IQCN: variants seen among roughly 807,000 people sequenced by gnomAD.
IQCN encodes IQ motif containing N, also known as IQ domain-containing protein N.
In IQCN, 46 loss-of-function variants were observed where a neutral mutation model predicts 64.4. That is an observed-to-expected ratio of 0.71 (90% CI 0.56 to 0.91). The LOEUF is 0.91. Among genes scored for constraint, IQCN ranks in the 40% least tolerant of loss-of-function variants. The pLI is 0.00. For missense variants in IQCN, 1,753 were observed against 1,857.4 expected (o/e 0.94, Z 1.03); for synonymous variants, 733 against 775.6 (o/e 0.95, Z 0.91).
At position 18,267,124 on chromosome 19, in the gene IQCN, C is replaced by T. The variant is rs767219841; in HGVS notation, c.416G>A (p.Arg139His). The T allele has an allele frequency of 1.9e-5, 30 of 1,614,124 alleles. No individual in the cohort carries two copies. Among genetic ancestry groups the T allele is most frequent in the African/African-American group, 2.7e-5 (2 of 74,952 alleles). ...AAKAIQEAWR[R>H]FNKRHILHSS... ...GTGAAGGATGTGTCTCTTGTTGAAGCGCCGCCAGGCCTCCTGGATGGCCTT... is the reference window on the plus strand; with the variant it reads ...GTGAAGGATGTGTCTCTTGTTGAAGTGCCGCCAGGCCTCCTGGATGGCCTT... Residue 139 changes from arginine (R) to histidine (H), a missense_variant, in exon 3 of 4, where the codon CGC (arginine) becomes CAC (histidine). Arg to His is a conservative substitution (Grantham distance 29, BLOSUM62 0). Coordinates refer to ENST00000392413, the MANE Select transcript of IQCN (RefSeq NM_001145304.2).
Position 18,266,795 on chromosome 19 carries a change from A to G in IQCN, c.745T>C (p.Cys249Arg). 1 of 1,614,190 alleles carries G rather than the reference A, an allele frequency of 6.2e-7. No individual in the cohort carries two copies. The highest frequency in any genetic ancestry group is 8.5e-7 in the Non-Finnish European group (1 of 1,180,020). ...PHQTVTIRFP[C>R]PVSLDAKCQP... ...CATTTTGCGTCCAGACTCACTGGGC[A>G]GGGAAATCTGATGGTGACCGTCTGG... Residue 249 changes from cysteine (C) to arginine (R), a missense_variant, in exon 3 of 4, where the codon TGC becomes CGC. Transcript: ENST00000392413. The surrounding 1 kb of genome is among the most constrained non-coding windows in gnomAD (Gnocchi z 4.3).
At position 18,257,118 on chromosome 19, in the gene IQCN, T is replaced by C. The variant is rs974508424; in HGVS notation, c.*62A>G. The stretch of plus-strand genomic sequence containing the variant: ...AGATCTAGGCTGTGGAGGACTTTAT[T>C]CATTAGACCCAGAGAGCCATGAGTG... On this transcript the variant is annotated 3_prime_UTR_variant, in exon 4 of 4. Coordinates refer to ENST00000392413, the MANE Select transcript of IQCN (RefSeq NM_001145304.2). 2 of 1,533,826 alleles carry C rather than the reference T, an allele frequency of 1.3e-6. No individual in the cohort carries two copies. Among genetic ancestry groups the C allele is most frequent in the African/African-American group, 2.7e-5 (2 of 73,216 alleles).
Position 18,257,499 on chromosome 19 carries a change from G to A in IQCN, c.3785C>T (p.Thr1262Ile), listed in dbSNP as rs748261381. 6.2e-6 allele frequency: 10 copies of A among 1,609,716 alleles called. No homozygotes were observed. In the Admixed American group the frequency reaches 1.7e-4, roughly 27 times the overall value. ...SPRTCHTCGR[T>I]QPTRVVQGMG... ...GCCCTGCACCACACGGGTGGGCTGT[G>A]TGCGTCCACAGGTATGACAGGTGCG... Residue 1262 changes from threonine (T) to isoleucine (I), a missense_variant, in exon 4 of 4, where the codon ACA becomes ATA. Transcript: ENST00000392413.
chr19:18,257,898 G>A lies in IQCN; in HGVS notation c.3386C>T (p.Ala1129Val), dbSNP rs773833908. 39 of 1,612,530 alleles carry A rather than the reference G, an allele frequency of 2.4e-5. No homozygotes were observed. The highest frequency in any genetic ancestry group is 6.7e-5 in the African/African-American group (5 of 74,920). Residue 1129 changes from alanine to valine, a missense_variant, in exon 4 of 4, where the codon GCG (alanine) becomes GTG (valine). Transcript: ENST00000392413. ...GTGCCACAGCCGGATCCTGCGACGC[G>A]CCAGGTAGCCACGGACGCCCGCCTG... ...TIQAGVRGYL[A>V]RRRIRLWHRG... is the part of the protein sequence containing the mutation.
intron 1 of IQCN, among the ~76,000 whole-genome samples, chr19:18,270,786 G>T (rs1350479296): frequency 6.6e-6 from 1 of 150,902 alleles, no homozygotes; most frequent in Non-Finnish European, 1.5e-5. Context: ...CCAAGTAGCT[G>T]GGATGACAAG....
Position 18,267,183 on chromosome 19 carries a change from G to T in IQCN, c.357C>A (p.Leu119=). ...TCATCTGGGAAATCAGCTTCTGCCG[G>T]AGCCAATAGCCCCTCCAGTTGGCTT... ...LIQANWRGYW[L]RQKLISQMMA... The change falls in exon 3 of 4, where the codon CTC becomes CTA. Residue 119 remains leucine (L), a synonymous_variant. Transcript: ENST00000392413. 1 of 1,614,266 alleles carries T rather than the reference G, an allele frequency of 6.2e-7. No homozygotes were observed.
At chr19:18,269,219 T>A (rs952561363) in intron 2 of IQCN, among the ~76,000 whole-genome samples, 3 of 150,046 alleles carry the variant, frequency 2.0e-5, no homozygotes, top group Non-Finnish European at 4.4e-5. Context: ...CAACAGGAGG[T>A]AGACTGATGG....
In IQCN at chr19:18,266,371, G is replaced by C. The variant is rs139734513; in HGVS notation, c.1169C>G (p.Thr390Ser). The C allele has an allele frequency of 3.7e-6, 6 of 1,609,782 alleles. No homozygotes were observed. In the African/African-American group the frequency reaches 4.0e-5, roughly 11 times the overall value. Residue 390 changes from threonine to serine, a missense_variant, in exon 3 of 4, where the codon ACT becomes AGT. Transcript: ENST00000392413. The surrounding 1 kb of genome is among the most constrained non-coding windows in gnomAD (Gnocchi z 4.3). Reference protein sequence around the residue: ...QMYPGPTVTKTAPHTCPMPTM... With the variant: ...QMYPGPTVTKSAPHTCPMPTM... ...GGGCATGGGGCATGTGTGAGGTGCA[G>C]TTTTGGTCACTGTGGGCCCCGGATA...
At chr19:18,263,716 G>A (rs989009490) in intron 3 of IQCN, among the ~76,000 whole-genome samples, 1 of 152,106 alleles carries the variant, frequency 6.6e-6, no homozygotes, top group African/African-American at 2.4e-5. Context: ...ACTAAGGGTT[G>A]GTAGAGACCA....
In IQCN at chr19:18,270,051, TAA is replaced by T. The variant is rs60981546; in HGVS notation, c.-109-466_-109-465del. Among the ~76,000 whole-genome samples the T allele has an allele frequency of 1.3e-3, 100 of 75,820 alleles. 1 individual carries two copies. Among genetic ancestry groups the T allele is most frequent in the African/African-American group, 4.2e-3 (67 of 15,924 alleles). 49.7% of individuals were successfully genotyped at this position (75,820 alleles called of 152,430 possible). On this transcript the variant is annotated intron_variant, in intron 1 of 3. Transcript: ENST00000392413. Reference sequence around the variant, plus strand: ...GGGAAACTAAGCAAGAACTGTCTCTTAAAAAAAAAAAAAAAAAAAAAAAAAAA... The same window carrying T: ...GGGAAACTAAGCAAGAACTGTCTCTTAAAAAAAAAAAAAAAAAAAAAAAAA...
intron 3 of IQCN, chr19:18,258,834 G>A (rs17797780): frequency 0.19 from 37,967 of 196,872 alleles, 4,071 homozygotes; most frequent in East Asian, 0.31. Flanking sequence ...GGCTAAACCC[G>A]GGGCCTGGAA....
Position 18,267,365 on chromosome 19 carries a change from G to C in IQCN, c.175C>G (p.Leu59Val). Residue 59 changes from leucine (L) to valine (V), a missense_variant, in exon 3 of 4, where the codon CTC becomes GTC. Leu to Val is a conservative substitution (Grantham distance 32, BLOSUM62 1). Transcript: ENST00000392413. ...KAPPQPQHEGLKSKEHLPQQP... is the reference protein window; with the variant it reads ...KAPPQPQHEGVKSKEHLPQQP... Reference sequence around the variant, plus strand: ...TGCGGAAGATGCTCCTTGGACTTGAGGCCCTCGTGCTGGGGCTGTGGAGGC... The same window carrying C: ...TGCGGAAGATGCTCCTTGGACTTGACGCCCTCGTGCTGGGGCTGTGGAGGC... The C allele has an allele frequency of 6.2e-7, 1 of 1,613,058 alleles. No homozygotes were observed.
At chr19:18,268,362 T>G (rs1555700731) in intron 2 of IQCN, among the ~76,000 whole-genome samples, 2 of 150,942 alleles carry the variant, frequency 1.3e-5, no homozygotes, top group African/African-American at 2.4e-5. Flanking sequence ...AGGTATTGGG[T>G]GGGGGGGGCA....
In IQCN at chr19:18,265,980, C is replaced by G. The variant is rs1040247231; in HGVS notation, c.1560G>C (p.Leu520=). 38 of 1,614,022 alleles carry G rather than the reference C, an allele frequency of 2.4e-5. No individual in the cohort carries two copies. The highest frequency in any genetic ancestry group is 3.1e-5 in the Non-Finnish European group (36 of 1,180,020). Reference sequence around the variant, plus strand: ...TGACATTTGCCACTGTTGGAGAGGCCAGACACAGAGTCTTGAGGATGGTGG... The same window carrying G: ...TGACATTTGCCACTGTTGGAGAGGCGAGACACAGAGTCTTGAGGATGGTGG... ...SVATILKTLC[L]ASPTVANVKA... is the part of the protein sequence containing the mutation. The change falls in exon 3 of 4, where the codon CTG becomes CTC. Residue 520 remains leucine, a synonymous_variant. Transcript: ENST00000392413. This position sits in a 1 kb window ranked among gnomAD's most constrained non-coding sequence, Gnocchi z 4.7.
chr19:18,272,150 T>G (rs866418551), intron 1 of IQCN, among the ~76,000 whole-genome samples: 2 of 142,094 alleles, frequency 1.4e-5, no homozygotes, highest in Middle Eastern at 3.9e-3. Context: ...CTCTCTCTTT[T>G]GAGTTTTGTT....
rs542383420 is a variant in IQCN at position 18,263,172 on chromosome 19, G to A, written c.3177+1191C>T. Among the ~76,000 whole-genome samples, 30 of 152,270 alleles carry A rather than the reference G, an allele frequency of 2.0e-4. No homozygotes were observed. In the South Asian group the frequency reaches 5.6e-3, roughly 28 times the overall value. ...CTCCGGAGGAAAAACAGACTTCACC[G>A]CAAGGTCCCCTTCTAAACTGCTTTC... On this transcript the variant is annotated intron_variant, in intron 3 of 3. Coordinates refer to ENST00000392413, the MANE Select transcript of IQCN (RefSeq NM_001145304.2).
chr19:18,268,174 C>CTG (rs71336668), intron 2 of IQCN, among the ~76,000 whole-genome samples: 17,956 of 134,238 alleles, frequency 0.13, 921 homozygotes, highest in South Asian at 0.17. Context: ...CTGTTTGCCT[C>CTG]TGTGTGTGTG....
chr19:18,264,399 C>G lies in IQCN; in HGVS notation c.3141G>C (p.Gly1047=), dbSNP rs1427648309. 1 of 1,525,728 alleles carries G rather than the reference C, an allele frequency of 6.6e-7. No individual in the cohort carries two copies. The highest frequency in any genetic ancestry group is 2.0e-5 in the Admixed American group (1 of 49,168). 94.5% of individuals were successfully genotyped at this position (1,525,728 alleles called of 1,614,324 possible). A position where few individuals can be genotyped will look rare whatever the true frequency, so the allele number is the denominator to read the frequency against. ...ACRRSPSAAW[G]PSLGPVRPQT... ...GTGGTCTCACGGGGCCCAGGGAGGG[C>G]CCCCATGCGGCCGATGGACTCCTCC... is the stretch of plus-strand genomic sequence containing the variant. Residue 1047 remains glycine (G), a synonymous_variant, in exon 3 of 4, where the codon GGG becomes GGC. Transcript: ENST00000392413. This position sits in a 1 kb window ranked among gnomAD's most constrained non-coding sequence, Gnocchi z 4.3.
chr19:18,267,595 G>A lies in IQCN; in HGVS notation c.14-69C>T. ...AAACAAGAGGTCTCCTGGCTGGGGT[G>A]GACACTGGCCCCCCAGGCCCAGATC... On this transcript the variant is annotated intron_variant, in intron 2 of 3. Coordinates refer to ENST00000392413, the MANE Select transcript of IQCN (RefSeq NM_001145304.2). 2.0e-6 allele frequency: 3 copies of A among 1,469,706 alleles called. No homozygotes were observed. In the South Asian group the frequency reaches 4.5e-5, roughly 22 times the overall value. 91.0% of individuals were successfully genotyped at this position (1,469,706 alleles called of 1,614,324 possible).
Sources: allele counts gnomAD v4.1 joint callset (sites outside exome capture counted in the v4.1 genomes callset), GRCh38; gene constraint gnomAD v4.1.1; non-coding constraint Gnocchi (gnomAD v3.1); transcripts MANE v1.5; gene names NCBI Gene and HGNC (gene_info 2026-07-23, HGNC 2026-07-21).